The following RBM27 variants were observed in gnomAD, a reference collection of about 807,000 sequenced individuals.
RBM27 encodes the protein RNA binding motif protein 27.
RBM27 carries 22 observed loss-of-function variants against 135.3 expected under a neutral mutation model. The ratio of observed to expected loss-of-function variants is 0.16; its 90% CI spans 0.12 to 0.23. The LOEUF is 0.23. Ranked by LOEUF, RBM27 falls within the 10% of genes least tolerant of loss-of-function variation. RBM27 has a pLI of 1.00. For synonymous variants in RBM27, 481 were observed against 442.4 expected (o/e 1.09, Z -1.10); for missense variants, 1,009 against 1,281.0 (o/e 0.79, Z 3.24).
chr5:146,243,398 T>G (rs1340457169), intron 8 of RBM27, among the ~76,000 whole-genome samples: 1 of 152,238 alleles, frequency 6.6e-6, no homozygotes, highest in Non-Finnish European at 1.5e-5. Flanking sequence ...CAGTCTGAAA[T>G]GCTCCAAAAT....
Position 146,263,542 on chromosome 5 carries a change from G to A in RBM27, c.2242G>A (p.Val748Ile). The A allele has an allele frequency of 6.2e-7, 1 of 1,614,136 alleles. No homozygotes were observed. The highest frequency in any genetic ancestry group is 8.5e-7 in the Non-Finnish European group (1 of 1,180,008). The change falls in exon 14 of 21, where the codon GTT becomes ATT. Residue 748 changes from valine (V) to isoleucine (I), a missense_variant. Val to Ile is a conservative substitution (Grantham distance 29). Coordinates refer to ENST00000265271, the MANE Select transcript of RBM27 (RefSeq NM_018989.2). Reference sequence around the variant, plus strand: ...TGCATATGTTCTTAACAAAGTTCCTGTTAAACATCGTCTTGGACATGCAGG... The same window carrying A: ...TGCATATGTTCTTAACAAAGTTCCTATTAAACATCGTCTTGGACATGCAGG... ...SGAYVLNKVP[V>I]KHRLGHAGGN...
chr5:146,249,970 T>C (rs1334490692), intron 8 of RBM27, among the ~76,000 whole-genome samples: 2 of 152,188 alleles, frequency 1.3e-5, no homozygotes, highest in African/African-American at 2.4e-5. Context: ...TGCACAGTTA[T>C]ACAGTATGAT....
chr5:146,212,752 C>G (rs2126687753), intron 1 of RBM27, among the ~76,000 whole-genome samples: 1 of 152,050 alleles, frequency 6.6e-6, no homozygotes, highest in East Asian at 1.9e-4. Flanking sequence ...CTTTATTGCC[C>G]AGGCTGGAGT....
intron 8 of RBM27, among the ~76,000 whole-genome samples, chr5:146,250,770 C>CTTTTTTTTTTT (rs58027855): frequency 1.4e-4 from 10 of 72,648 alleles, no homozygotes; most frequent in Non-Finnish European, 1.9e-4. Flanking sequence ...TTTTTTTGTC[C>CTTTTTTTTTTT]TTTTTTTTTT....
chr5:146,240,334 A>G (rs1055677952), intron 8 of RBM27, among the ~76,000 whole-genome samples: 72 of 140,980 alleles, frequency 5.1e-4, no homozygotes, highest in East Asian at 3.1e-3. Context: ...CTGTCTGTCT[A>G]TCTGTCTGTC....
chr5:146,273,602 T>C (rs1459227782), intron 19 of RBM27, among the ~76,000 whole-genome samples: 1 of 152,234 alleles, frequency 6.6e-6, no homozygotes, highest in African/African-American at 2.4e-5. Context: ...TATGCTTTCT[T>C]TGAAAGAAAT....
chr5:146,232,204 A>G (rs1227750348), intron 6 of RBM27, among the ~76,000 whole-genome samples: 1 of 152,194 alleles, frequency 6.6e-6, no homozygotes, highest in Non-Finnish European at 1.5e-5. Context: ...AGTCACAGAC[A>G]TCATAATTTT....
intron 1 of RBM27, among the ~76,000 whole-genome samples, chr5:146,213,400 A>G (rs917130677): frequency 1.3e-5 from 2 of 152,126 alleles, no homozygotes; most frequent in Admixed American, 1.3e-4. Context: ...CGCCCAGCCA[A>G]GAGTGTGGAT....
chr5:146,259,971 C>T (rs1198270164), intron 11 of RBM27, among the ~76,000 whole-genome samples: 9 of 102,534 alleles, frequency 8.8e-5, no homozygotes, highest in African/African-American at 3.3e-4. Flanking sequence ...CAGAGCGAGA[C>T]TCCGTCTCAA....
At chr5:146,278,653 G>A (rs1436128987) in intron 19 of RBM27, among the ~76,000 whole-genome samples, 1 of 151,852 alleles carries the variant, frequency 6.6e-6, no homozygotes, top group African/African-American at 2.4e-5. Flanking sequence ...ATGACTGCAT[G>A]GTATTTCATT....
At chr5:146,232,600 C>A (rs540582825) in intron 6 of RBM27, among the ~76,000 whole-genome samples, 1 of 151,634 alleles carries the variant, frequency 6.6e-6, no homozygotes, top group African/African-American at 2.4e-5. Context: ...GATGGAGTCT[C>A]GCTCTGTCAC....
At chr5:146,276,385 C>T (rs558119695) in intron 19 of RBM27, among the ~76,000 whole-genome samples, 1 of 152,170 alleles carries the variant, frequency 6.6e-6, no homozygotes, top group Non-Finnish European at 1.5e-5. Context: ...CTGTTTAGAA[C>T]CTGTGCTCCC....
rs760969039 is a variant in RBM27 at position 146,237,304 on chromosome 5, C to G, written c.1151C>G (p.Pro384Arg). ...PSVVLPIPRP[P>R]ITQSSLINSR... ...TTTTGTTGTCTGTATGTAGGACCAC[C>G]TATAACACAATCAAGCTTGATAAAC... The change falls in exon 8 of 21, where the codon CCT becomes CGT. Residue 384 changes from proline to arginine, a missense_variant. Transcript: ENST00000265271. 1 of 1,614,058 alleles carries G rather than the reference C, an allele frequency of 6.2e-7. No homozygotes were observed. Among genetic ancestry groups the G allele is most frequent in the South Asian group, 1.1e-5 (1 of 91,082 alleles).
At chr5:146,283,928 ACTT>A (rs916034673) in intron 19 of RBM27, among the ~76,000 whole-genome samples, 1 of 152,152 alleles carries the variant, frequency 6.6e-6, no homozygotes, top group African/African-American at 2.4e-5. Context: ...GGATGGCTAA[ACTT>A]CTACTTTTCT....
At chr5:146,278,571 A>T (rs1484782545) in intron 19 of RBM27, among the ~76,000 whole-genome samples, 1 of 152,022 alleles carries the variant, frequency 6.6e-6, no homozygotes, top group East Asian at 1.9e-4. Context: ...GTTTTGCCAT[A>T]TGTACTTTTA....
At chr5:146,282,752 T>C (rs1759416105) in intron 19 of RBM27, among the ~76,000 whole-genome samples, 1 of 152,210 alleles carries the variant, frequency 6.6e-6, no homozygotes, top group African/African-American at 2.4e-5. Context: ...CACCAAGTGA[T>C]GACTGTATGT....
chr5:146,274,483 C>T (rs998779091), intron 19 of RBM27, among the ~76,000 whole-genome samples: 1 of 152,166 alleles, frequency 6.6e-6, no homozygotes, highest in Admixed American at 6.5e-5. Flanking sequence ...TGGTCTCAAA[C>T]TCCTGGCCTC....
rs552019022 is a variant in RBM27, at chr5:146,237,182, G to T, written c.1145-116G>T. The T allele has an allele frequency of 3.3e-6, 4 of 1,222,844 alleles. No individual in the cohort carries two copies. In the Admixed American group the frequency reaches 8.5e-5, roughly 26 times the overall value. 75.7% of individuals were successfully genotyped at this position (1,222,844 alleles called of 1,614,324 possible). A position where few individuals can be genotyped will look rare whatever the true frequency, so the allele number is the denominator to read the frequency against. On this transcript the variant is annotated intron_variant, in intron 7 of 20. Coordinates refer to ENST00000265271, the MANE Select transcript of RBM27 (RefSeq NM_018989.2). ...TCGAACTCCTGACCTCAGGTGATCC[G>T]CCTGTCTTGGCCTCCCACAGTTCTG...
rs766829081 is a variant in RBM27, at chr5:146,233,469, T to G, written c.870T>G (p.Leu290=). Residue 290 remains leucine (L), a synonymous_variant, in exon 7 of 21, where the codon CTT becomes CTG. Coordinates refer to ENST00000265271, the MANE Select transcript of RBM27 (RefSeq NM_018989.2). ...RDYDERGFCV[L]GDLCQFDHGN... is the part of the protein sequence containing the mutation. ...CCACAGAAAGAGGATTTTGTGTACT[T>G]GGTGACCTTTGTCAGTTTGATCATG... The G allele has an allele frequency of 6.4e-7, 1 of 1,569,322 alleles. No homozygotes were observed. The highest frequency in any genetic ancestry group is 8.6e-7 in the Non-Finnish European group (1 of 1,159,228).
Sources: gnomAD v4.1 joint callset for allele counts (sites outside exome capture counted in the v4.1 genomes callset) on GRCh38, gnomAD v4.1.1 for gene constraint, MANE v1.5 for transcripts, NCBI Gene and HGNC (gene_info 2026-07-23, HGNC 2026-07-21) for gene names.